MGMT: variants seen among roughly 807,000 people sequenced by gnomAD.
The protein encoded by MGMT is methylated-DNA--protein-cysteine methyltransferase.
Under a neutral mutation model 15.9 loss-of-function variants are expected in MGMT, and 14 were observed. The observed-to-expected ratio is 0.88, with a 90% CI of 0.58 to 1.37. The LOEUF is 1.37. Ranked by LOEUF, MGMT falls within the 40% of genes most tolerant of loss-of-function variation. The pLI is 0.00. For missense variants in MGMT, 282 were observed against 268.1 expected (o/e 1.05, Z -0.36); for synonymous variants, 130 against 118.2 (o/e 1.10, Z -0.65).
intron 2 of MGMT, among the ~76,000 whole-genome samples, chr10:129,666,432 C>A (rs1847659641): frequency 6.6e-6 from 1 of 152,070 alleles, no homozygotes; most frequent in Admixed American, 6.6e-5. Context: ...TTATTCAGCA[C>A]TTCTTTTATG....
At chr10:129,572,506 A>G (rs983644414) in intron 2 of MGMT, among the ~76,000 whole-genome samples, 4 of 152,192 alleles carry the variant, frequency 2.6e-5, no homozygotes, top group African/African-American at 9.7e-5. Flanking sequence ...GTAGTTGGCT[A>G]CCATTTGCAT....
At chr10:129,717,967 G>A (rs1230913892) in intron 3 of MGMT, 3 of 152,208 alleles carry the variant, frequency 2.0e-5, no homozygotes, top group Non-Finnish European at 4.4e-5. Flanking sequence ...GCTGGCCTTG[G>A]TGATTTTGGA....
chr10:129,712,252 G>A (rs1479548929), intron 3 of MGMT, among the ~76,000 whole-genome samples: 1 of 152,186 alleles, frequency 6.6e-6, no homozygotes, highest in African/African-American at 2.4e-5. Flanking sequence ...AGACTGTGGG[G>A]AGCCTAGCTG....
At chr10:129,498,893 A>G (rs1845548985) in intron 1 of MGMT, among the ~76,000 whole-genome samples, 1 of 152,102 alleles carries the variant, frequency 6.6e-6, no homozygotes, top group Admixed American at 6.5e-5. Context: ...TAGGGGCTGT[A>G]TGTGTGTCTA....
At chr10:129,684,369 G>T (rs1246387349) in intron 2 of MGMT, among the ~76,000 whole-genome samples, 1 of 152,208 alleles carries the variant, frequency 6.6e-6, no homozygotes, top group East Asian at 1.9e-4. Flanking sequence ...AGAGGGAGAT[G>T]CAGGGGGGCC....
At chr10:129,690,382 T>C (rs749893125) in intron 2 of MGMT, among the ~76,000 whole-genome samples, 3 of 152,242 alleles carry the variant, frequency 2.0e-5, no homozygotes, top group Non-Finnish European at 4.4e-5. Context: ...GGTTTTCACT[T>C]ATTCACTCAT....
intron 3 of MGMT, among the ~76,000 whole-genome samples, chr10:129,735,576 T>C (rs1255740785): frequency 1.3e-5 from 2 of 149,238 alleles, no homozygotes; most frequent in Non-Finnish European, 1.5e-5. Context: ...TCTGCTCTGA[T>C]TTTAGTTATT....
chr10:129,481,835 T>C (rs966122893), intron 1 of MGMT, among the ~76,000 whole-genome samples: 13 of 152,200 alleles, frequency 8.5e-5, no homozygotes, highest in African/African-American at 2.7e-4. Context: ...CCTTTTTTGC[T>C]AACTGGTCTG....
chr10:129,493,154 G>C lies in MGMT; in HGVS notation c.-13+25858G>C, dbSNP rs376895388. On this transcript the variant is annotated intron_variant, in intron 1 of 4. Coordinates refer to ENST00000651593, the MANE Select transcript of MGMT (RefSeq NM_002412.5). ...TGAGCCTGATCTGTTTGACTCCTGA[G>C]TGCCTAAATTAGGGATGCTTTTCCC... is the stretch of plus-strand genomic sequence containing the variant. Among the ~76,000 whole-genome samples, 15 of 152,252 alleles carry C rather than the reference G, an allele frequency of 9.9e-5. No homozygotes were observed. In the South Asian group the frequency reaches 1.0e-3, roughly 11 times the overall value.
At chr10:129,484,162 CAT>C (rs375109300) in intron 1 of MGMT, among the ~76,000 whole-genome samples, 1 of 152,112 alleles carries the variant, frequency 6.6e-6, no homozygotes, top group Admixed American at 6.5e-5. Flanking sequence ...TGTTTTACCT[CAT>C]ATAGATTTTT....
chr10:129,641,910 G>A (rs528478499), intron 2 of MGMT, among the ~76,000 whole-genome samples: 21 of 152,250 alleles, frequency 1.4e-4, no homozygotes, highest in Non-Finnish European at 2.1e-4. Flanking sequence ...TAATGTATGC[G>A]GCATAGCTAA....
chr10:129,580,048 TC>T lies in MGMT; in HGVS notation c.125+43673del, dbSNP rs1846533962. ...CACAAACTTGGTATTTATTAGGTGTTCCAGGCTTTGTTCGACCCGGGTGGGA... is the reference window on the plus strand; with the variant it reads ...CACAAACTTGGTATTTATTAGGTGTTCAGGCTTTGTTCGACCCGGGTGGGA... On this transcript the variant is annotated intron_variant, in intron 2 of 4. Coordinates refer to ENST00000651593, the MANE Select transcript of MGMT (RefSeq NM_002412.5). Among the ~76,000 whole-genome samples the T allele has an allele frequency of 2.0e-5, 3 of 152,328 alleles. No individual in the cohort carries two copies. The South Asian group carries it at 6.2e-4, about 32-fold the overall frequency.
chr10:129,718,316 G>A (rs571859989), intron 3 of MGMT, among the ~76,000 whole-genome samples: 5 of 152,258 alleles, frequency 3.3e-5, no homozygotes, highest in East Asian at 3.9e-4. Context: ...TCCTTGTGTC[G>A]GAGACCTGTG....
At chr10:129,728,456 C>A (rs1848458437) in intron 3 of MGMT, among the ~76,000 whole-genome samples, 1 of 152,082 alleles carries the variant, frequency 6.6e-6, no homozygotes. Context: ...GTGGTGATTG[C>A]CTTGGGGGAG....
At chr10:129,621,737 T>G (rs1265158904) in intron 2 of MGMT, among the ~76,000 whole-genome samples, 1 of 152,222 alleles carries the variant, frequency 6.6e-6, no homozygotes, top group Non-Finnish European at 1.5e-5. Context: ...GATTGTTTGT[T>G]GAACATCCTT....
chr10:129,681,593 CT>C (rs1847853310), intron 2 of MGMT, among the ~76,000 whole-genome samples: 1 of 152,148 alleles, frequency 6.6e-6, no homozygotes, highest in African/African-American at 2.4e-5. Flanking sequence ...TACCATTGAC[CT>C]TTGAACAACA....
At chr10:129,618,816 G>A (rs971197643) in intron 2 of MGMT, among the ~76,000 whole-genome samples, 3 of 57,710 alleles carry the variant, frequency 5.2e-5, no homozygotes, top group African/African-American at 1.2e-4. Flanking sequence ...AGAATTACAG[G>A]AGCTTTCTGT....
intron 2 of MGMT, among the ~76,000 whole-genome samples, chr10:129,589,367 C>T (rs988121494): frequency 4.6e-5 from 7 of 152,178 alleles, no homozygotes; most frequent in Non-Finnish European, 8.8e-5. Flanking sequence ...CCTGCCAGGG[C>T]CTCACTTGGG....
In MGMT at chr10:129,532,227, G is replaced by T. The variant is rs1347891129; in HGVS notation, c.-12-4014G>T. ...CATGGGGATAGCACCACAGGGCTCA[G>T]TCGGGGATATGCCAGAGCTTTAGGG... On this transcript the variant is annotated intron_variant, in intron 1 of 4. Transcript: ENST00000651593. This position sits in a 1 kb window ranked among gnomAD's most constrained non-coding sequence, Gnocchi z 5.3. Among the ~76,000 whole-genome samples the T allele has an allele frequency of 6.6e-6, 1 of 152,224 alleles. No homozygotes were observed. Among genetic ancestry groups the T allele is most frequent in the African/African-American group, 2.4e-5 (1 of 41,466 alleles).
Sources: allele counts gnomAD v4.1 joint callset (sites outside exome capture counted in the v4.1 genomes callset), GRCh38; gene constraint gnomAD v4.1.1; non-coding constraint Gnocchi (gnomAD v3.1); transcripts MANE v1.5; gene names NCBI Gene and HGNC (gene_info 2026-07-23, HGNC 2026-07-21).